The following PACRG variants were observed in gnomAD, a reference collection of about 807,000 sequenced individuals.
PACRG encodes parkin coregulated gene protein.
PACRG carries 29 observed loss-of-function variants against 29.7 expected under a neutral mutation model. That is an observed-to-expected ratio of 0.98 (90% CI 0.73 to 1.33). The LOEUF is 1.33. PACRG is among the 40% of genes most tolerant of loss of function. The probability of loss-of-function intolerance (pLI) is 0.00; values close to 1 mark genes in which losing one functional copy is unlikely to be tolerated. For missense variants in PACRG, 279 were observed against 316.2 expected (o/e 0.88, Z 0.89); for synonymous variants, 116 against 118.7 (o/e 0.98, Z 0.15).
chr6:162,946,627 C>T (rs2128125169), intron 2 of PACRG, among the ~76,000 whole-genome samples: 1 of 152,182 alleles, frequency 6.6e-6, no homozygotes, highest in African/African-American at 2.4e-5. Context: ...TTCTCATTAA[C>T]TCATTCTAAG....
At chr6:162,958,292 T>A (rs1800222880) in intron 2 of PACRG, among the ~76,000 whole-genome samples, 1 of 152,186 alleles carries the variant, frequency 6.6e-6, no homozygotes. Flanking sequence ...TCATATTCTA[T>A]ATTAATATTT....
Position 163,260,024 on chromosome 6 carries a change from GC to G in PACRG, c.614-54799del, listed in dbSNP as rs568757641. Among the ~76,000 whole-genome samples, 18 of 152,284 alleles carry G rather than the reference GC, an allele frequency of 1.2e-4. No homozygotes were observed. In the East Asian group the frequency reaches 3.3e-3, roughly 28 times the overall value. ...GTGTTCCTGATGTCCTGATGAGGGT[GC>G]CCCAGGACACACGAGGGCCATCCCG... On this transcript the variant is annotated intron_variant, in intron 4 of 4. Transcript: ENST00000366888.
chr6:162,960,992 T>A (rs991583090), intron 2 of PACRG, among the ~76,000 whole-genome samples: 9 of 144,730 alleles, frequency 6.2e-5, no homozygotes, highest in Non-Finnish European at 1.2e-4. Context: ...CATGCCAGAA[T>A]CAAATATTGT....
chr6:163,299,279 A>G (rs544088029), intron 4 of PACRG, among the ~76,000 whole-genome samples: 2 of 152,294 alleles, frequency 1.3e-5, no homozygotes, highest in Admixed American at 1.3e-4. Context: ...ACAGACACTG[A>G]TCTAAGCACC....
At chr6:163,204,647 A>T (rs1026489743) in intron 4 of PACRG, among the ~76,000 whole-genome samples, 1 of 152,186 alleles carries the variant, frequency 6.6e-6, no homozygotes, top group Non-Finnish European at 1.5e-5. Flanking sequence ...GGAGCTAAGA[A>T]TGGAGGAAAA....
chr6:162,975,317 C>T (rs1169285971), intron 2 of PACRG, among the ~76,000 whole-genome samples: 1 of 152,110 alleles, frequency 6.6e-6, no homozygotes, highest in Non-Finnish European at 1.5e-5. Flanking sequence ...TAAACTGGCC[C>T]TGATATATGG....
At chr6:163,072,113 A>C (rs567242695) in intron 3 of PACRG, among the ~76,000 whole-genome samples, 1 of 152,092 alleles carries the variant, frequency 6.6e-6, no homozygotes, top group African/African-American at 2.4e-5. Context: ...TGATACCAAA[A>C]CCAGACAAAG....
Position 162,860,102 on chromosome 6 carries a change from A to AAT in PACRG, c.291+45822_291+45823insTA, listed in dbSNP as rs1353129599. On this transcript the variant is annotated intron_variant, in intron 2 of 4. Transcript: ENST00000366888. ...GGGAGAGAGAAGGAAGACACAAAAA[A>AAT]AGACTAGTTTTTATACAGATATTTT... Among the ~76,000 whole-genome samples, 7 of 152,152 alleles carry AAT rather than the reference A, an allele frequency of 4.6e-5. No homozygotes were observed. In the East Asian group the frequency reaches 1.2e-3, roughly 25 times the overall value.
chr6:163,054,690 A>G (rs1328679794), intron 2 of PACRG, among the ~76,000 whole-genome samples: 1 of 152,112 alleles, frequency 6.6e-6, no homozygotes, highest in Non-Finnish European at 1.5e-5. Flanking sequence ...GACTCTCGCT[A>G]AGCCAGAGTC....
chr6:163,024,510 G>A (rs889407858), intron 2 of PACRG, among the ~76,000 whole-genome samples: 5 of 152,118 alleles, frequency 3.3e-5, no homozygotes, highest in African/African-American at 7.2e-5. Context: ...GGGCAATATG[G>A]TGCCTCCACC....
intron 4 of PACRG, among the ~76,000 whole-genome samples, chr6:163,140,573 A>G (rs914022783): frequency 1.3e-5 from 2 of 152,210 alleles, no homozygotes; most frequent in Non-Finnish European, 2.9e-5. Flanking sequence ...ACAATTGAGA[A>G]GGAGTGAAAG....
At chr6:162,776,246 T>C (rs2128308244) in intron 1 of PACRG, among the ~76,000 whole-genome samples, 1 of 152,362 alleles carries the variant, frequency 6.6e-6, no homozygotes, top group Non-Finnish European at 1.5e-5. Context: ...TCCTGTAGCA[T>C]TGTCAATGGA....
intron 2 of PACRG, among the ~76,000 whole-genome samples, chr6:162,894,662 A>T (rs1019819771): frequency 1.8e-4 from 28 of 152,140 alleles, no homozygotes; most frequent in Admixed American, 1.2e-3. Context: ...TGCAATTTTT[A>T]AAAAAATGGT....
intron 2 of PACRG, among the ~76,000 whole-genome samples, chr6:162,904,688 A>G (rs558693543): frequency 3.3e-5 from 5 of 152,324 alleles, no homozygotes; most frequent in Admixed American, 2.6e-4. Flanking sequence ...TAGTGCCTGC[A>G]TTTTACCTTT....
In PACRG at chr6:163,062,264, G is replaced by C. The variant is rs1464745047; in HGVS notation, c.406G>C (p.Glu136Gln). The C allele has an allele frequency of 5.0e-6, 8 of 1,613,992 alleles. No individual in the cohort carries two copies. In the Admixed American group the frequency reaches 6.7e-5, roughly 13 times the overall value. ...TCGGCAAGGAATCCACGACATGCTG[G>C]AACACGGTGGGAACAAGATCCTACC... Reference protein sequence around the residue: ...FARQGIHDMLEHGGNKILPVL... With the variant: ...FARQGIHDMLQHGGNKILPVL... The change falls in exon 3 of 5, where the codon GAA becomes CAA. Residue 136 changes from glutamate (E) to glutamine (Q), a missense_variant. Transcript: ENST00000366888.
intron 4 of PACRG, among the ~76,000 whole-genome samples, chr6:163,165,074 C>G (rs1276637607): frequency 6.6e-6 from 1 of 152,158 alleles, no homozygotes; most frequent in Non-Finnish European, 1.5e-5. Flanking sequence ...AATACTAACA[C>G]CAGGTCCCTA....
At chr6:162,749,325 T>C (rs896338908) in intron 1 of PACRG, among the ~76,000 whole-genome samples, 1 of 152,148 alleles carries the variant, frequency 6.6e-6, no homozygotes, top group Non-Finnish European at 1.5e-5. Flanking sequence ...GGTGAGAGGA[T>C]CAAAACTCCA....
At position 163,091,349 on chromosome 6, in the gene PACRG, G is replaced by C. The variant is rs1034690289; in HGVS notation, c.613+1941G>C. 7.2e-5 allele frequency among the ~76,000 whole-genome samples: 11 copies of C among 152,208 alleles called. No homozygotes were observed. The East Asian group carries it at 2.1e-3, about 29-fold the overall frequency. On this transcript the variant is annotated intron_variant, in intron 4 of 4. Coordinates refer to ENST00000366888, the MANE Select transcript of PACRG (RefSeq NM_001080379.2). ...TTTTCTTTAAACCTTTAACTCACAG[G>C]TGTTCATACACTTAACAAAGAAAAT...
intron 4 of PACRG, among the ~76,000 whole-genome samples, chr6:163,202,434 T>G (rs1006679688): frequency 1.3e-5 from 2 of 152,158 alleles, no homozygotes; most frequent in Non-Finnish European, 2.9e-5. Flanking sequence ...TATGTGTATG[T>G]GAGCATGTAT....
Sources: gnomAD v4.1 joint callset for allele counts (sites outside exome capture counted in the v4.1 genomes callset) on GRCh38, gnomAD v4.1.1 for gene constraint, MANE v1.5 for transcripts, NCBI Gene and HGNC (gene_info 2026-07-23, HGNC 2026-07-21) for gene names.